The following AGPAT5 variants were observed in gnomAD, a reference collection of about 807,000 sequenced individuals.
AGPAT5 encodes 1-acyl-sn-glycerol-3-phosphate acyltransferase epsilon.
AGPAT5 carries 46 observed loss-of-function variants against 45.6 expected under a neutral mutation model. The ratio of observed to expected loss-of-function variants is 1.01; its 90% CI spans 0.80 to 1.29. AGPAT5 has a LOEUF of 1.29. AGPAT5 is among the 50% of genes most tolerant of loss of function. The pLI, the probability that AGPAT5 is intolerant of heterozygous loss-of-function variation, is 0.00. For synonymous variants in AGPAT5, 272 were observed against 167.0 expected (o/e 1.63, Z -4.85); for missense variants, 673 against 450.7 (o/e 1.49, Z -4.47).
At chr8:6,718,233 TG>T (rs1286198163) in intron 1 of AGPAT5, among the ~76,000 whole-genome samples, 2 of 152,208 alleles carry the variant, frequency 1.3e-5, no homozygotes, top group East Asian at 3.9e-4. Context: ...AAGAACTTTG[TG>T]GCCTTCTTGG....
At chr8:6,735,750 C>T (rs1418067735) in intron 4 of AGPAT5, among the ~76,000 whole-genome samples, 1 of 151,986 alleles carries the variant, frequency 6.6e-6, no homozygotes, top group African/African-American at 2.4e-5. Context: ...ATGGAAGCCG[C>T]CTCCCATTTT....
intron 2 of AGPAT5, among the ~76,000 whole-genome samples, chr8:6,728,608 A>G (rs1212446162): frequency 2.0e-5 from 3 of 152,160 alleles, no homozygotes; most frequent in Non-Finnish European, 2.9e-5. Flanking sequence ...TTAAAATAAA[A>G]CCCATTTTTA....
At chr8:6,742,444 T>G (rs1231952110) in intron 5 of AGPAT5, among the ~76,000 whole-genome samples, 1 of 152,192 alleles carries the variant, frequency 6.6e-6, no homozygotes, top group African/African-American at 2.4e-5. Context: ...TTCTTAGAGG[T>G]GTCTTTGAAG....
chr8:6,722,133 C>T (rs767331365), intron 1 of AGPAT5, among the ~76,000 whole-genome samples: 1 of 152,124 alleles, frequency 6.6e-6, no homozygotes, highest in Non-Finnish European at 1.5e-5. Context: ...ATAAGGTTTG[C>T]TATGCAGGTT....
At chr8:6,747,173 G>C (rs59852951) in intron 5 of AGPAT5, among the ~76,000 whole-genome samples, 1 of 152,192 alleles carries the variant, frequency 6.6e-6, no homozygotes, top group African/African-American at 2.4e-5. Context: ...TGTTCACACA[G>C]TGGAATACTA....
chr8:6,729,044 A>T (rs1800779440), intron 2 of AGPAT5, among the ~76,000 whole-genome samples: 1 of 152,238 alleles, frequency 6.6e-6, no homozygotes, highest in Admixed American at 6.5e-5. Context: ...AGGGAGCCAT[A>T]ACAAAAGTTT....
At chr8:6,748,305 C>G (rs573412379) in intron 6 of AGPAT5, among the ~76,000 whole-genome samples, 1 of 152,044 alleles carries the variant, frequency 6.6e-6, no homozygotes, top group Admixed American at 6.5e-5. Context: ...GAGCTATTGT[C>G]AGATATAACC....
At chr8:6,727,470 C>T (rs987990326) in intron 2 of AGPAT5, among the ~76,000 whole-genome samples, 1 of 152,156 alleles carries the variant, frequency 6.6e-6, no homozygotes. Flanking sequence ...CAACCTTTGC[C>T]TCCCGGGTTC....
intron 1 of AGPAT5, among the ~76,000 whole-genome samples, chr8:6,715,113 C>T (rs1263901127): frequency 6.6e-6 from 1 of 152,096 alleles, no homozygotes; most frequent in Non-Finnish European, 1.5e-5. Context: ...CCAAGGGGTA[C>T]AATGTTTGAT....
intron 1 of AGPAT5, among the ~76,000 whole-genome samples, chr8:6,722,809 A>T (rs1800550931): frequency 6.6e-6 from 1 of 151,806 alleles, no homozygotes; most frequent in African/African-American, 2.4e-5. Flanking sequence ...GCTACCTCTG[A>T]ATTAATAAAT....
rs541345765 is a variant in AGPAT5, at chr8:6,760,933, T to C, written c.*3545T>C. Among the ~76,000 whole-genome samples, 41 of 152,180 alleles carry C rather than the reference T, an allele frequency of 2.7e-4. No individual in the cohort carries two copies. The highest frequency in any genetic ancestry group is 5.7e-4 in the Non-Finnish European group (39 of 68,018). ...TATTATGAAGTGCTCGTCTGTACAA[T>C]CGCTAATTTACTCAGTTTAGAGTAG... On this transcript the variant is annotated 3_prime_UTR_variant, in exon 8 of 8. Coordinates refer to ENST00000285518, the MANE Select transcript of AGPAT5 (RefSeq NM_018361.5).
At chr8:6,716,369 G>T (rs1476889901) in intron 1 of AGPAT5, among the ~76,000 whole-genome samples, 2 of 152,158 alleles carry the variant, frequency 1.3e-5, no homozygotes, top group East Asian at 3.9e-4. Context: ...GACCAGTCTG[G>T]CCAACATTGT....
At chr8:6,730,871 AT>A (rs59149072) in intron 3 of AGPAT5, 45 bp downstream of exon 3, 54,036 of 920,342 alleles carry the variant, frequency 0.059, no homozygotes, top group South Asian at 0.075. Context: ...TAGTTTATAA[AT>A]TTTTTTTTTT....
Position 6,733,051 on chromosome 8 carries a change from T to A in AGPAT5, c.495+401T>A, listed in dbSNP as rs185146156. Among the ~76,000 whole-genome samples the A allele has an allele frequency of 1.2e-4, 18 of 152,352 alleles. No individual in the cohort carries two copies. In the East Asian group the frequency reaches 3.5e-3, roughly 29 times the overall value. On this transcript the variant is annotated intron_variant, in intron 4 of 7. Coordinates refer to ENST00000285518, the MANE Select transcript of AGPAT5 (RefSeq NM_018361.5). ...CTGTTAGTGCAAATTTTGAATGTCT[T>A]ACATGTACAGAAAAACCAAAAAAGG...
intron 4 of AGPAT5, among the ~76,000 whole-genome samples, chr8:6,733,226 C>T (rs1800931008): frequency 6.6e-6 from 1 of 152,184 alleles, no homozygotes; most frequent in South Asian, 2.1e-4. Context: ...GACAAAGCAC[C>T]ATGATCACCG....
At chr8:6,713,869 T>A (rs574837436) in intron 1 of AGPAT5, among the ~76,000 whole-genome samples, 7 of 152,364 alleles carry the variant, frequency 4.6e-5, no homozygotes, top group African/African-American at 1.7e-4. Context: ...GTTCCAAGTT[T>A]CTCAGAAACA....
chr8:6,715,428 G>T (rs191652875), intron 1 of AGPAT5, among the ~76,000 whole-genome samples: 2 of 152,304 alleles, frequency 1.3e-5, no homozygotes, highest in African/African-American at 4.8e-5. Flanking sequence ...ATTGAATGTG[G>T]AGGAAAAAGA....
At position 6,733,717 on chromosome 8, in the gene AGPAT5, A is replaced by G. The variant is rs151168499; in HGVS notation, c.495+1067A>G. Among the ~76,000 whole-genome samples the G allele has an allele frequency of 4.7e-3, 723 of 152,312 alleles. 3 individuals are homozygous for G. The highest frequency in any genetic ancestry group is 0.017 in the Middle Eastern group (5 of 294). ...ATATGGTTTATCGACTTTTTACAAA[A>G]AAAATTTAAAAATCATGAATTTATA... On this transcript the variant is annotated intron_variant, in intron 4 of 7. Transcript: ENST00000285518.
At chr8:6,733,653 C>T (rs1190975209) in intron 4 of AGPAT5, among the ~76,000 whole-genome samples, 2 of 152,094 alleles carry the variant, frequency 1.3e-5, no homozygotes, top group African/African-American at 4.8e-5. Context: ...GAATTGTGGT[C>T]ATTGCATGTA....
Sources: allele counts gnomAD v4.1 joint callset (sites outside exome capture counted in the v4.1 genomes callset), GRCh38; gene constraint gnomAD v4.1.1; transcripts MANE v1.5; gene names NCBI Gene and HGNC (gene_info 2026-07-23, HGNC 2026-07-21).